Variants in FAN1 observed in about 807,000 individuals in gnomAD.
FAN1 encodes fanconi-associated nuclease 1.
In FAN1, 91 loss-of-function variants were observed where a neutral mutation model predicts 104.9. That is an observed-to-expected ratio of 0.87 (90% CI 0.73 to 1.03). The LOEUF is 1.03. Ranked by LOEUF, FAN1 falls within the 50% of genes least tolerant of loss-of-function variation. FAN1 has a pLI of 0.00. For synonymous variants in FAN1, 478 were observed against 457.6 expected, an observed-to-expected ratio of 1.04 and a Z score of -0.57; for missense variants, 1,263 against 1,239.9, an observed-to-expected ratio of 1.02 and a Z score of -0.28.
intron 4 of FAN1, among the ~76,000 whole-genome samples, chr15:30,912,668 A>C (rs2062123483): frequency 6.6e-6 from 1 of 152,154 alleles, no homozygotes; most frequent in African/African-American, 2.4e-5. Context: ...GAAGGGTGTG[A>C]CATCTTTCAC....
intron 13 of FAN1, among the ~76,000 whole-genome samples, chr15:30,930,912 A>G (rs2062694126): frequency 6.6e-6 from 1 of 152,176 alleles, no homozygotes; most frequent in East Asian, 1.9e-4. Flanking sequence ...TGATGTGGAC[A>G]TGATGTTCCA....
chr15:30,937,394 C>A, intron 14 of FAN1, 135 bp downstream of exon 14: 19 of 658,534 alleles, frequency 2.9e-5, no homozygotes, highest in African/African-American at 3.7e-5. Context: ...CTGCATATCA[C>A]AAAACAGTGT....
rs764652716 is a variant in FAN1 at position 30,910,582 on chromosome 15, T to C, written c.1376-32T>C. 2.1e-6 allele frequency: 3 copies of C among 1,447,694 alleles called. No individual in the cohort carries two copies. In the South Asian group the frequency reaches 4.0e-5, roughly 19 times the overall value. The allele number at this position is 1,447,694 out of a possible 1,614,324, so 89.7% of individuals were successfully genotyped here. On this transcript the variant is annotated intron_variant, in intron 3 of 14. Coordinates refer to ENST00000362065, the MANE Select transcript of FAN1 (RefSeq NM_014967.5). ...TAAATAAAGCTAGAAAATAGTAAAA[T>C]TTAAAAAAACTTTTTTTTTTAACCA... is the stretch of plus-strand genomic sequence containing the variant.
intron 13 of FAN1, among the ~76,000 whole-genome samples, chr15:30,936,207 A>C (rs1036205196): frequency 1.3e-5 from 2 of 152,148 alleles, no homozygotes; most frequent in African/African-American, 4.8e-5. Flanking sequence ...ATATATTTTT[A>C]TCTTATGAAT....
rs1216164735 is a variant in FAN1, at chr15:30,941,621, G to A, written c.*59G>A. On this transcript the variant is annotated 3_prime_UTR_variant, in exon 15 of 15. Coordinates refer to ENST00000362065, the MANE Select transcript of FAN1 (RefSeq NM_014967.5). ...GGAGAGAAACTCCGGTGTCCCCGAGGTGTCGGTGTGGTGAGGGCCGCTGGC... is the reference window on the plus strand; with the variant it reads ...GGAGAGAAACTCCGGTGTCCCCGAGATGTCGGTGTGGTGAGGGCCGCTGGC... 6.2e-7 allele frequency: 1 copy of A among 1,604,960 alleles called. No homozygotes were observed. The highest frequency in any genetic ancestry group is 1.7e-5 in the Admixed American group (1 of 58,022).
Position 30,905,613 on chromosome 15 carries a change from C to T in FAN1, c.950C>T (p.Ser317Leu). The change falls in exon 2 of 15, where the codon TCA (serine) becomes TTA (leucine). Residue 317 changes from serine (S) to leucine (L), a missense_variant. Transcript: ENST00000362065. ...GCTTCAGAAGCTAAAATACAGCTGT[C>T]AGATTCAGAGGCAAAATCTCATAGT... ...TVASEAKIQL[S>L]DSEAKSHSSA... 3 of 1,614,028 alleles carry T rather than the reference C, an allele frequency of 1.9e-6. No homozygotes were observed. Among genetic ancestry groups the T allele is most frequent in the Non-Finnish European group, 2.5e-6 (3 of 1,179,946 alleles).
At chr15:30,928,030 G>C in intron 10 of FAN1, 2 of 989,294 alleles carry the variant, frequency 2.0e-6, no homozygotes, top group Non-Finnish European at 2.4e-6. Context: ...GGGCAGTGTA[G>C]TACCCAGGGG....
At chr15:30,913,349 C>T (rs1243329149) in intron 4 of FAN1, among the ~76,000 whole-genome samples, 1 of 152,146 alleles carries the variant, frequency 6.6e-6, no homozygotes. Flanking sequence ...TCCATGAAAC[C>T]ACTCCTTGGT....
intron 14 of FAN1, 126 bp from the exon 15 acceptor site, chr15:30,941,440 T>G: frequency 6.4e-7 from 1 of 1,574,156 alleles, no homozygotes; most frequent in Non-Finnish European, 8.6e-7. Flanking sequence ...GTTGACAGCT[T>G]CCCTCAAAAT....
chr15:30,911,021 C>G, intron 4 of FAN1: 2 of 1,264,028 alleles, frequency 1.6e-6, no homozygotes, highest in African/African-American at 1.5e-5. Context: ...TACTAATTTC[C>G]AGGACCAAGA....
At chr15:30,936,628 G>A (rs1273260787) in intron 13 of FAN1, among the ~76,000 whole-genome samples, 2 of 150,226 alleles carry the variant, frequency 1.3e-5, no homozygotes, top group East Asian at 2.0e-4. Context: ...CTTATGTCCT[G>A]ATAAATCCTA....
chr15:30,907,282 C>T (rs2062001899), intron 2 of FAN1, among the ~76,000 whole-genome samples: 1 of 151,922 alleles, frequency 6.6e-6, no homozygotes, highest in South Asian at 2.1e-4. Flanking sequence ...CTTTGGGAGG[C>T]CCAGGTGGGC....
chr15:30,925,786 C>G lies in FAN1; in HGVS notation c.2338-3C>G. The G allele has an allele frequency of 6.2e-7, 1 of 1,614,050 alleles. No individual in the cohort carries two copies. The highest frequency in any genetic ancestry group is 8.5e-7 in the Non-Finnish European group (1 of 1,180,022). ...AATAGATGTTATTCTGCTGCTGTTT[C>G]AGGTGACCATCACAGGCAGGCTGTG... On this transcript the variant is annotated splice_region_variant and splice_polypyrimidine_tract_variant and intron_variant, in intron 9 of 14. Coordinates refer to ENST00000362065, the MANE Select transcript of FAN1 (RefSeq NM_014967.5).
chr15:30,910,623 T>C lies in FAN1; in HGVS notation c.1385T>C (p.Leu462Ser). The change falls in exon 4 of 15, where the codon TTG (leucine) becomes TCG (serine). Residue 462 changes from leucine (L) to serine (S), a missense_variant. Coordinates refer to ENST00000362065, the MANE Select transcript of FAN1 (RefSeq NM_014967.5). ...NAGFLQTESE[L>S]QELSEVLELL... is the part of the protein sequence containing the mutation. ...TTTTTAACCATTTCAGAATCTGAGT[T>C]GCAAGAACTCTCTGAAGTGCTTGAA... 6.4e-7 allele frequency: 1 copy of C among 1,569,952 alleles called. No homozygotes were observed. The highest frequency in any genetic ancestry group is 8.6e-7 in the Non-Finnish European group (1 of 1,158,662).
chr15:30,929,988 G>T (rs1340212454), intron 12 of FAN1, among the ~76,000 whole-genome samples: 15 of 114,678 alleles, frequency 1.3e-4, no homozygotes, highest in African/African-American at 3.7e-4. Flanking sequence ...TAATATATAA[G>T]ATATCATATA....
Position 30,905,133 on chromosome 15 carries a change from C to T in FAN1, c.470C>T (p.Ser157Phe). ...VKVICLGSLA[S>F]KLSRKYVKAK... ...GTCATTTGTTTGGGAAGCCTAGCAT[C>T]TAAATTGTCCAGAAAATACGTAAAG... Residue 157 changes from serine to phenylalanine, a missense_variant, in exon 2 of 15, where the codon TCT becomes TTT. Around this residue, in one of 2 missense-constraint regions of FAN1, gnomAD observed 682 missense variants for 571.1 expected, o/e 1.19. Transcript: ENST00000362065. The T allele has an allele frequency of 6.2e-7, 1 of 1,613,960 alleles. No homozygotes were observed. Among genetic ancestry groups the T allele is most frequent in the South Asian group, 1.1e-5 (1 of 91,082 alleles).
intron 13 of FAN1, among the ~76,000 whole-genome samples, chr15:30,932,831 G>A (rs2062751424): frequency 1.3e-5 from 2 of 150,400 alleles, no homozygotes; most frequent in Admixed American, 1.3e-4. Context: ...TCGTGCCTCA[G>A]CCTCCCTAGT....
At position 30,929,957 on chromosome 15, in the gene FAN1, T is replaced by G. The variant is rs28625422; in HGVS notation, c.2787+560T>G. Reference sequence around the variant, plus strand: ...TATAAAATATATAATATAATATATATCATATAATATATAAAATATATAATA... The same window carrying G: ...TATAAAATATATAATATAATATATAGCATATAATATATAAAATATATAATA... On this transcript the variant is annotated intron_variant, in intron 12 of 14. Transcript: ENST00000362065. Among the ~76,000 whole-genome samples, 410 of 118,188 alleles carry G rather than the reference T, an allele frequency of 3.5e-3. 13 individuals are homozygous for G. The highest frequency in any genetic ancestry group is 0.014 in the African/African-American group (389 of 27,750). 77.5% of individuals were successfully genotyped at this position (118,188 alleles called of 152,430 possible).
chr15:30,907,020 T>C (rs1396958799), intron 2 of FAN1, among the ~76,000 whole-genome samples: 1 of 152,176 alleles, frequency 6.6e-6, no homozygotes, highest in Non-Finnish European at 1.5e-5. Flanking sequence ...TGGAGAATCA[T>C]GTACAATCTG....
Sources: allele counts gnomAD v4.1 joint callset (sites outside exome capture counted in the v4.1 genomes callset), GRCh38; gene constraint gnomAD v4.1.1; regional missense constraint gnomAD v4.1.1; transcripts MANE v1.5; gene names NCBI Gene and HGNC (gene_info 2026-07-23, HGNC 2026-07-21).